The following SLC22A23 variants were observed in gnomAD, a reference collection of about 807,000 sequenced individuals.
The protein encoded by SLC22A23 is solute carrier family 22 member 23, also known as ion transporter protein.
In SLC22A23, 26 loss-of-function variants were observed where a neutral mutation model predicts 61.0. The ratio of observed to expected loss-of-function variants is 0.43; its 90% CI spans 0.31 to 0.59. SLC22A23 has a LOEUF of 0.59. Ranked by LOEUF, SLC22A23 falls within the 20% of genes least tolerant of loss-of-function variation. The probability of loss-of-function intolerance (pLI) is 0.11; values close to 1 mark genes in which losing one functional copy is unlikely to be tolerated. For synonymous variants in SLC22A23, 430 were observed against 413.9 expected (o/e 1.04, Z -0.47); for missense variants, 796 against 934.7 (o/e 0.85, Z 1.94).
At chr6:3,424,667 C>T (rs1267556165) in intron 1 of SLC22A23, among the ~76,000 whole-genome samples, 1 of 152,202 alleles carries the variant, frequency 6.6e-6, no homozygotes, top group African/African-American at 2.4e-5. Flanking sequence ...TCCACTAGCT[C>T]AGGGGGTGGC....
At chr6:3,291,958 A>G (rs951073074) in intron 5 of SLC22A23, 1 of 152,236 alleles carries the variant, frequency 6.6e-6, no homozygotes, top group Non-Finnish European at 1.5e-5. Flanking sequence ...GAGCTTTTTA[A>G]ATAAAATTAA....
At chr6:3,347,544 C>T (rs1330782350) in intron 3 of SLC22A23, among the ~76,000 whole-genome samples, 1 of 151,960 alleles carries the variant, frequency 6.6e-6, no homozygotes, top group Non-Finnish European at 1.5e-5. Flanking sequence ...CTGCCAAATG[C>T]CTCAGGTATC....
intron 3 of SLC22A23, among the ~76,000 whole-genome samples, chr6:3,332,755 A>G (rs909213566): frequency 1.3e-5 from 2 of 152,186 alleles, no homozygotes; most frequent in African/African-American, 4.8e-5. Context: ...CAATTACTTC[A>G]AAAAAGTCTC....
Position 3,287,027 on chromosome 6 carries a change from G to T in SLC22A23, c.1378C>A (p.Pro460Thr). The change falls in exon 7 of 10, where the codon CCG (proline) becomes ACG (threonine). Residue 460 changes from proline to threonine, a missense_variant. Coordinates refer to ENST00000406686, the MANE Select transcript of SLC22A23 (RefSeq NM_015482.2). ...TCAGCATAGAAGTTCTCCAGGAGCG[G>T]CACCTTCACCTCGTGGCCCATCATG... ...RSMMGHEVKVPLLENFYADYY... is the reference protein window; with the variant it reads ...RSMMGHEVKVTLLENFYADYY... 1 of 1,614,226 alleles carries T rather than the reference G, an allele frequency of 6.2e-7. No homozygotes were observed. Among genetic ancestry groups the T allele is most frequent in the Non-Finnish European group, 8.5e-7 (1 of 1,180,054 alleles).
At chr6:3,407,528 GAAGCTTTGCTC>G (rs1473799470) in intron 3 of SLC22A23, among the ~76,000 whole-genome samples, 2 of 152,082 alleles carry the variant, frequency 1.3e-5, no homozygotes, top group Admixed American at 6.6e-5. Flanking sequence ...TCTTCTCTCA[GAAGCTTTGCTC>G]TTTTGCCATC....
chr6:3,418,969 A>G (rs957492763), intron 1 of SLC22A23, among the ~76,000 whole-genome samples: 2 of 152,170 alleles, frequency 1.3e-5, no homozygotes, highest in African/African-American at 4.8e-5. Context: ...ATAATCTCCT[A>G]AAGAATTTCA....
intron 1 of SLC22A23, among the ~76,000 whole-genome samples, chr6:3,455,079 C>A (rs1772329209): frequency 6.6e-6 from 1 of 152,164 alleles, no homozygotes; most frequent in African/African-American, 2.4e-5. Context: ...CATTGAGTGT[C>A]CACCATTGCC....
rs1762191330 is a variant in SLC22A23, at chr6:3,309,096, T to C, written c.1083-10878A>G. The stretch of plus-strand genomic sequence containing the variant: ...GGGTGGATCATTTGAGGTCAGGAGT[T>C]TGAGACCAGCCTGTCCAACATGGTG... On this transcript the variant is annotated intron_variant, in intron 4 of 9. Transcript: ENST00000406686. The surrounding 1 kb of genome is among the most constrained non-coding windows in gnomAD (Gnocchi z 4.7). Among the ~76,000 whole-genome samples the C allele has an allele frequency of 6.6e-6, 1 of 150,844 alleles. No homozygotes were observed. Among genetic ancestry groups the C allele is most frequent in the Admixed American group, 6.6e-5 (1 of 15,100 alleles).
In SLC22A23 at chr6:3,286,832, C is replaced by T. The variant is rs1378255987; in HGVS notation, c.1546+27G>A. Reference sequence around the variant, plus strand: ...GGATCTGCCAGCTTCCCTCCCTGCACCCAGCCCACCTCCCCGACCCACTCA... The same window carrying T: ...GGATCTGCCAGCTTCCCTCCCTGCATCCAGCCCACCTCCCCGACCCACTCA... On this transcript the variant is annotated intron_variant, in intron 7 of 9. Coordinates refer to ENST00000406686, the MANE Select transcript of SLC22A23 (RefSeq NM_015482.2). This position sits in a 1 kb window ranked among gnomAD's most constrained non-coding sequence, Gnocchi z 4.2. The T allele has an allele frequency of 3.5e-5, 55 of 1,556,764 alleles. No homozygotes were observed. The highest frequency in any genetic ancestry group is 4.5e-5 in the Non-Finnish European group (52 of 1,148,266).
At position 3,322,715 on chromosome 6, in the gene SLC22A23, G is replaced by C. The variant is rs73354738; in HGVS notation, c.1082+1119C>G. On this transcript the variant is annotated intron_variant, in intron 4 of 9. Coordinates refer to ENST00000406686, the MANE Select transcript of SLC22A23 (RefSeq NM_015482.2). The surrounding 1 kb of genome is among the most constrained non-coding windows in gnomAD (Gnocchi z 4.1). ...GTACATCTACTACCAGGGCAGGGGC[G>C]GGGGGCAGTACCACTAAGCCAAAAG... 1.3e-4 allele frequency among the ~76,000 whole-genome samples: 20 copies of C among 152,108 alleles called. No homozygotes were observed. The highest frequency in any genetic ancestry group is 4.6e-4 in the African/African-American group (19 of 41,394).
rs1247468175 is a variant in SLC22A23 at position 3,328,798 on chromosome 6, C to A, written c.914-4796G>T. Among the ~76,000 whole-genome samples, 5 of 152,142 alleles carry A rather than the reference C, an allele frequency of 3.3e-5. No homozygotes were observed. The East Asian group carries it at 9.6e-4, about 29-fold the overall frequency. On this transcript the variant is annotated intron_variant, in intron 3 of 9. Coordinates refer to ENST00000406686, the MANE Select transcript of SLC22A23 (RefSeq NM_015482.2). This position sits in a 1 kb window ranked among gnomAD's most constrained non-coding sequence, Gnocchi z 5.0. ...CTCTAAATATCTCCTGTTGTTTCCT[C>A]TTCTCTGGTTGAACTCTGAGGCGGA...
rs896326042 is a variant in SLC22A23, at chr6:3,427,622, G to C, written c.655-11767C>G. 5.9e-5 allele frequency among the ~76,000 whole-genome samples: 9 copies of C among 152,080 alleles called. No homozygotes were observed. The highest frequency in any genetic ancestry group is 2.2e-4 in the African/African-American group (9 of 41,416). ...AGGTCCTCCCACCACCTCTCAGGAT[G>C]CCGTGCCCTTCACTTTGACCTCCTC... On this transcript the variant is annotated intron_variant, in intron 1 of 9. Coordinates refer to ENST00000406686, the MANE Select transcript of SLC22A23 (RefSeq NM_015482.2). This position sits in a 1 kb window ranked among gnomAD's most constrained non-coding sequence, Gnocchi z 4.3.
intron 1 of SLC22A23, among the ~76,000 whole-genome samples, chr6:3,416,806 G>A (rs1452210237): frequency 1.3e-5 from 2 of 152,226 alleles, no homozygotes; most frequent in East Asian, 1.9e-4. Flanking sequence ...CAGTGGAGAC[G>A]GGGGTGGGGT....
At chr6:3,393,981 C>G (rs1767836444) in intron 3 of SLC22A23, among the ~76,000 whole-genome samples, 1 of 152,058 alleles carries the variant, frequency 6.6e-6, no homozygotes, top group African/African-American at 2.4e-5. Context: ...TCTACCGTCA[C>G]AAGGTGAAAA....
chr6:3,439,391 C>T (rs185808812), intron 1 of SLC22A23: 76 of 436,248 alleles, frequency 1.7e-4, no homozygotes, highest in South Asian at 9.4e-4. Flanking sequence ...CTAAGTGCAC[C>T]GGAGCCACTG....
chr6:3,307,000 T>C (rs1032986165), intron 4 of SLC22A23, among the ~76,000 whole-genome samples: 3 of 152,200 alleles, frequency 2.0e-5, no homozygotes, highest in Admixed American at 6.5e-5. Flanking sequence ...GCGGTATGGA[T>C]ACAGCAATGG....
At chr6:3,416,702 A>G (rs1040984843) in intron 1 of SLC22A23, among the ~76,000 whole-genome samples, 2 of 152,230 alleles carry the variant, frequency 1.3e-5, no homozygotes, top group African/African-American at 4.8e-5. Flanking sequence ...CCTGCTGGCC[A>G]GGCCATGGAG....
intron 3 of SLC22A23, among the ~76,000 whole-genome samples, chr6:3,373,577 C>G (rs958269337): frequency 1.3e-5 from 2 of 151,212 alleles, no homozygotes; most frequent in African/African-American, 4.9e-5. Flanking sequence ...GTGGAGGGCT[C>G]TGACTATACC....
At chr6:3,275,229 T>C (rs1758784809) in intron 9 of SLC22A23, among the ~76,000 whole-genome samples, 1 of 152,216 alleles carries the variant, frequency 6.6e-6, no homozygotes, top group Non-Finnish European at 1.5e-5. Flanking sequence ...GGATAGTTTT[T>C]TCAACAGGTG....
Sources: allele counts gnomAD v4.1 joint callset (sites outside exome capture counted in the v4.1 genomes callset), GRCh38; gene constraint gnomAD v4.1.1; non-coding constraint Gnocchi (gnomAD v3.1); transcripts MANE v1.5; gene names NCBI Gene and HGNC (gene_info 2026-07-23, HGNC 2026-07-21).